Variants in EYA1 observed in about 807,000 individuals in gnomAD.
EYA1 encodes EYA transcriptional coactivator and phosphatase 1.
A neutral mutation model predicts 82.0 loss-of-function variants in EYA1; 16 were observed. The observed-to-expected ratio is 0.20, with a 90% CI of 0.13 to 0.30. The LOEUF is 0.30. Ranked by LOEUF, EYA1 falls within the 10% of genes least tolerant of loss-of-function variation. The pLI is 1.00. For missense variants in EYA1, 633 were observed against 730.7 expected (o/e 0.87, Z 1.54); for synonymous variants, 261 against 264.4 (o/e 0.99, Z 0.12).
chr8:71,540,721 G>A (rs1815073110), intron 1 of EYA1, among the ~76,000 whole-genome samples: 1 of 152,160 alleles, frequency 6.6e-6, no homozygotes, highest in South Asian at 2.1e-4. Context: ...AGACCCATCA[G>A]ATACTGGAAA....
At chr8:71,401,970 G>A (rs9643625) in intron 2 of EYA1, among the ~76,000 whole-genome samples, 76,265 of 151,996 alleles carry the variant, frequency 0.5, 20,794 homozygotes, top group African/African-American at 0.74. Flanking sequence ...ATCTCTGACC[G>A]TAAGAACTGT....
intron 9 of EYA1, among the ~76,000 whole-genome samples, chr8:71,292,266 T>C (rs1819087741): frequency 6.6e-6 from 1 of 152,104 alleles, no homozygotes; most frequent in Admixed American, 6.5e-5. Flanking sequence ...AAATGCTAGT[T>C]TAGATATTAG....
At chr8:71,516,878 T>A (rs990434120) in intron 2 of EYA1, among the ~76,000 whole-genome samples, 1 of 152,156 alleles carries the variant, frequency 6.6e-6, no homozygotes, top group Admixed American at 6.6e-5. Flanking sequence ...CAGCACCTCA[T>A]TTCTCCTTTA....
chr8:71,462,861 A>G (rs558743802), intron 2 of EYA1, among the ~76,000 whole-genome samples: 1 of 151,654 alleles, frequency 6.6e-6, no homozygotes, highest in African/African-American at 2.4e-5. Flanking sequence ...TCCCATAGCC[A>G]CTCCTGGCAC....
chr8:71,278,066 G>A (rs774639636), intron 9 of EYA1, among the ~76,000 whole-genome samples: 4 of 152,060 alleles, frequency 2.6e-5, no homozygotes, highest in African/African-American at 4.8e-5. Flanking sequence ...TCCTCCTTGA[G>A]CCTTGGGGAA....
intron 10 of EYA1, chr8:71,270,053 T>C (rs901736034): frequency 1.1e-5 from 5 of 462,038 alleles, no homozygotes; most frequent in Non-Finnish European, 2.0e-5. Flanking sequence ...AATATAAATA[T>C]AGGAAAGAGA....
chr8:71,498,857 C>T (rs181968583), intron 2 of EYA1, among the ~76,000 whole-genome samples: 28 of 152,296 alleles, frequency 1.8e-4, no homozygotes, highest in Non-Finnish European at 3.7e-4. Context: ...AGAATGACTG[C>T]TCTTTGGACT....
intron 1 of EYA1, chr8:71,356,854 A>G (rs952583937): frequency 5.1e-6 from 2 of 394,556 alleles, no homozygotes; most frequent in Non-Finnish European, 6.9e-6. Context: ...AGGTGCTTGG[A>G]AAAAAATAGC....
intron 12 of EYA1, among the ~76,000 whole-genome samples, chr8:71,220,379 C>G (rs1396539976): frequency 6.6e-6 from 1 of 152,136 alleles, no homozygotes; most frequent in Admixed American, 6.5e-5. Flanking sequence ...ATGCGCTAAT[C>G]TGTAGTGGAA....
rs755991512 is a variant in EYA1, at chr8:71,215,659, G to C, written c.1430C>G (p.Ser477Cys). 3 of 1,614,178 alleles carry C rather than the reference G, an allele frequency of 1.9e-6. No homozygotes were observed. Residue 477 changes from serine to cysteine, a missense_variant, in exon 15 of 18, where the codon TCC becomes TGC. Physicochemically the swap from Ser to Cys is moderately radical, Grantham distance 112 (BLOSUM62 -1). Transcript: ENST00000340726. ...LRAEIEALTD[S>C]WLTLALKALS... Reference sequence around the variant, plus strand: ...TGCTTTCAGGGCCAGTGTCAACCAGGAGTCGGTCAGGGCTTCAATTTCGGC... The same window carrying C: ...TGCTTTCAGGGCCAGTGTCAACCAGCAGTCGGTCAGGGCTTCAATTTCGGC...
chr8:71,328,689 C>T (rs1382371879), intron 4 of EYA1, among the ~76,000 whole-genome samples: 1 of 152,168 alleles, frequency 6.6e-6, no homozygotes, highest in Non-Finnish European at 1.5e-5. Context: ...GGGTTGATGA[C>T]AGATCTTCAA....
intron 2 of EYA1, among the ~76,000 whole-genome samples, chr8:71,530,710 T>G (rs777021251): frequency 5.9e-5 from 9 of 152,196 alleles, no homozygotes; most frequent in Non-Finnish European, 1.3e-4. Context: ...ATTTTTCCAG[T>G]TTGGTTAAAA....
intron 7 of EYA1, among the ~76,000 whole-genome samples, chr8:71,301,078 G>T (rs1045932337): frequency 5.3e-5 from 8 of 152,122 alleles, no homozygotes; most frequent in African/African-American, 1.7e-4. Context: ...AGCAGTATAG[G>T]CCATAAATGT....
chr8:71,219,608 G>A (rs1809634421), intron 12 of EYA1, among the ~76,000 whole-genome samples: 1 of 152,028 alleles, frequency 6.6e-6, no homozygotes, highest in South Asian at 2.1e-4. Context: ...TGCCTTGGGA[G>A]GTATGTTTTT....
intron 11 of EYA1, among the ~76,000 whole-genome samples, chr8:71,251,525 CTTG>C (rs1353490639): frequency 1.3e-5 from 2 of 152,200 alleles, no homozygotes; most frequent in Non-Finnish European, 1.5e-5. Flanking sequence ...AGTGAAGGAA[CTTG>C]TTGTCATCCT....
chr8:71,469,472 T>A (rs1308939042), intron 2 of EYA1, among the ~76,000 whole-genome samples: 1 of 152,104 alleles, frequency 6.6e-6, no homozygotes, highest in East Asian at 1.9e-4. Flanking sequence ...AATGCATGTG[T>A]CCTGCTTACC....
chr8:71,296,367 G>T (rs1485711233), intron 9 of EYA1, among the ~76,000 whole-genome samples: 1 of 150,852 alleles, frequency 6.6e-6, no homozygotes, highest in Non-Finnish European at 1.5e-5. Flanking sequence ...ACCCACAAAT[G>T]AGTCCTTACA....
intron 17 of EYA1, among the ~76,000 whole-genome samples, chr8:71,201,414 A>G (rs1806994304): frequency 6.6e-6 from 1 of 151,966 alleles, no homozygotes; most frequent in South Asian, 2.1e-4. Context: ...TCAGCACCAT[A>G]GCACAGGTTC....
intron 2 of EYA1, among the ~76,000 whole-genome samples, chr8:71,381,741 T>C (rs752292822): frequency 3.3e-5 from 5 of 152,242 alleles, no homozygotes; most frequent in Non-Finnish European, 5.9e-5. Context: ...CTTGTCCTCT[T>C]AGAGGGACTG....
Sources: allele counts gnomAD v4.1 joint callset (sites outside exome capture counted in the v4.1 genomes callset), GRCh38; gene constraint gnomAD v4.1.1; transcripts MANE v1.5; gene names NCBI Gene and HGNC (gene_info 2026-07-23, HGNC 2026-07-21).